Variants in FAR2 observed in about 807,000 individuals in gnomAD.
The protein encoded by FAR2 is fatty acyl-CoA reductase 2.
Under a neutral mutation model 56.0 loss-of-function variants are expected in FAR2, and 19 were observed. That is an observed-to-expected ratio of 0.34 (90% CI 0.24 to 0.50). FAR2 has a LOEUF of 0.50. Ranked by LOEUF, FAR2 falls within the 20% of genes least tolerant of loss-of-function variation. FAR2 has a pLI of 0.98. For synonymous variants in FAR2, 219 were observed against 218.8 expected (o/e 1.00, Z -0.01); for missense variants, 508 against 642.2 (o/e 0.79, Z 2.26).
intron 1 of FAR2, among the ~76,000 whole-genome samples, chr12:29,186,421 GT>G (rs1950040202): frequency 6.6e-6 from 1 of 152,170 alleles, no homozygotes; most frequent in African/African-American, 2.4e-5. Flanking sequence ...CTGATAGACT[GT>G]TTTACAGAAA....
At chr12:29,154,066 CT>C (rs1949702961) in intron 1 of FAR2, among the ~76,000 whole-genome samples, 7 of 152,102 alleles carry the variant, frequency 4.6e-5, no homozygotes, top group Admixed American at 4.6e-4. Flanking sequence ...TAAAATCATG[CT>C]TGCATTTTAT....
chr12:29,256,580 G>A (rs1948319957), intron 1 of FAR2, among the ~76,000 whole-genome samples: 1 of 152,198 alleles, frequency 6.6e-6, no homozygotes, highest in Non-Finnish European at 1.5e-5. Flanking sequence ...TGCACTGTGG[G>A]AGCCCCTTTC....
chr12:29,242,358 G>A (rs945534984), intron 1 of FAR2, among the ~76,000 whole-genome samples: 1 of 152,220 alleles, frequency 6.6e-6, no homozygotes, highest in African/African-American at 2.4e-5. Context: ...CTGAAATCCT[G>A]TGTTCTCAAG....
At chr12:29,208,148 G>T (rs76969587) in intron 1 of FAR2, among the ~76,000 whole-genome samples, 5,557 of 152,296 alleles carry the variant, frequency 0.036, 323 homozygotes, top group African/African-American at 0.12. Context: ...GCATTTCCTA[G>T]CTGGGCAAGA....
At chr12:29,254,950 CAAAAAAAAAAAAAAAAG>C (rs1262639118) in intron 1 of FAR2, among the ~76,000 whole-genome samples, 3 of 121,546 alleles carry the variant, frequency 2.5e-5, no homozygotes, top group African/African-American at 1.0e-4. Flanking sequence ...AAGACTGTCT[CAAAAAAAAAAAAAAAAG>C]TTTACTCCAG....
chr12:29,312,086 AT>A, intron 8 of FAR2, 136 bp downstream of exon 8: 1 of 597,656 alleles, frequency 1.7e-6, no homozygotes, highest in East Asian at 2.9e-5. Flanking sequence ...ATAATGAGAA[AT>A]TGTAAATGTG....
intron 1 of FAR2, chr12:29,171,485 C>T (rs4931157): frequency 0.48 from 72,110 of 150,298 alleles, 18,319 homozygotes; most frequent in Admixed American, 0.61. Flanking sequence ...CGCCTCTGCC[C>T]GGCTGCCCAA....
chr12:29,214,160 C>G (rs552535659), intron 1 of FAR2, among the ~76,000 whole-genome samples: 44 of 152,272 alleles, frequency 2.9e-4, no homozygotes, highest in African/African-American at 1.1e-3. Context: ...ATGCGTTATT[C>G]CAATAATACT....
At chr12:29,155,672 G>C (rs756639033) in intron 1 of FAR2, among the ~76,000 whole-genome samples, 1 of 152,202 alleles carries the variant, frequency 6.6e-6, no homozygotes, top group Non-Finnish European at 1.5e-5. Context: ...TTAACCTTCA[G>C]TGTCTATAAA....
intron 1 of FAR2, among the ~76,000 whole-genome samples, chr12:29,230,515 G>C (rs1248916285): frequency 6.6e-6 from 1 of 152,054 alleles, no homozygotes; most frequent in Non-Finnish European, 1.5e-5. Flanking sequence ...GGCAACCCTT[G>C]GAGAGTTTTA....
At chr12:29,171,224 G>T (rs1262895736) in intron 1 of FAR2, among the ~76,000 whole-genome samples, 1 of 152,160 alleles carries the variant, frequency 6.6e-6, no homozygotes, top group Non-Finnish European at 1.5e-5. Flanking sequence ...CTTGCCCCAG[G>T]CACCCTCAGT....
chr12:29,198,171 G>A (rs979671073), intron 1 of FAR2, among the ~76,000 whole-genome samples: 3 of 152,012 alleles, frequency 2.0e-5, no homozygotes, highest in East Asian at 1.9e-4. Context: ...ACAGTTTTGC[G>A]CATAGGTGAT....
intron 1 of FAR2, among the ~76,000 whole-genome samples, chr12:29,266,177 A>C (rs1181579063): frequency 6.6e-6 from 1 of 152,208 alleles, no homozygotes; most frequent in Admixed American, 6.5e-5. Flanking sequence ...CGATGAAAGG[A>C]AATCAGTGTA....
intron 11 of FAR2, 61 bp downstream of exon 11, chr12:29,332,788 G>C: frequency 6.8e-7 from 1 of 1,470,320 alleles, no homozygotes; most frequent in South Asian, 1.2e-5. Flanking sequence ...CTTTATACCA[G>C]ACATAACATT....
chr12:29,229,652 T>C (rs1214481219), intron 1 of FAR2, among the ~76,000 whole-genome samples: 2 of 152,198 alleles, frequency 1.3e-5, no homozygotes, highest in Non-Finnish European at 2.9e-5. Context: ...GAAACCATGA[T>C]GAGCAAAAGC....
intron 1 of FAR2, among the ~76,000 whole-genome samples, chr12:29,220,853 G>A (rs1199951101): frequency 6.6e-6 from 1 of 152,076 alleles, no homozygotes; most frequent in Non-Finnish European, 1.5e-5. Flanking sequence ...TTGGAAGAGG[G>A]CCAAGCAGGC....
At chr12:29,149,616 CA>C (rs1949664778) in intron 1 of FAR2, among the ~76,000 whole-genome samples, 2 of 152,248 alleles carry the variant, frequency 1.3e-5, no homozygotes. Context: ...CCCCCGGCTG[CA>C]CCCCAATCGT....
At chr12:29,170,894 C>T (rs1223352865) in intron 1 of FAR2, among the ~76,000 whole-genome samples, 2 of 152,246 alleles carry the variant, frequency 1.3e-5, no homozygotes, top group African/African-American at 4.8e-5. Flanking sequence ...CTGCCACCTC[C>T]TTGGGTTTTT....
chr12:29,292,180 C>A (rs765701863), intron 2 of FAR2: 11 of 152,032 alleles, frequency 7.2e-5, no homozygotes, highest in Non-Finnish European at 1.5e-4. Flanking sequence ...TCATAAAAAC[C>A]AAAGGCAAAA....
Sources: gnomAD v4.1 joint callset for allele counts (sites outside exome capture counted in the v4.1 genomes callset) on GRCh38, gnomAD v4.1.1 for gene constraint, MANE v1.5 for transcripts, NCBI Gene and HGNC (gene_info 2026-07-23, HGNC 2026-07-21) for gene names.